The following DPY19L3 variants were observed in gnomAD, a reference collection of about 807,000 sequenced individuals.
DPY19L3 encodes protein C-mannosyl-transferase DPY19L3.
Under a neutral mutation model 92.3 loss-of-function variants are expected in DPY19L3, and 51 were observed. That is an observed-to-expected ratio of 0.55 (90% CI 0.44 to 0.70). The LOEUF is 0.70. Among genes scored for constraint, DPY19L3 ranks in the 30% least tolerant of loss-of-function variants. The pLI, the probability that DPY19L3 is intolerant of heterozygous loss-of-function variation, is 0.00. For missense variants in DPY19L3, 706 were observed against 855.9 expected (o/e 0.82, Z 2.18); for synonymous variants, 309 against 315.2 (o/e 0.98, Z 0.21).
At chr19:32,427,573 A>G (rs896569186) in intron 3 of DPY19L3, among the ~76,000 whole-genome samples, 13 of 152,222 alleles carry the variant, frequency 8.5e-5, no homozygotes, top group African/African-American at 3.1e-4. Context: ...TCCACACAAT[A>G]GTAGTACGGT....
chr19:32,479,124 G>A (rs1599682498), intron 17 of DPY19L3, among the ~76,000 whole-genome samples: 2 of 152,128 alleles, frequency 1.3e-5, no homozygotes, highest in East Asian at 1.9e-4. Flanking sequence ...GTCTTGTTTT[G>A]AGGTGAGATT....
At chr19:32,411,212 T>G (rs199935521) in intron 2 of DPY19L3, 27 bp from the exon 3 acceptor site, 2 of 1,596,724 alleles carry the variant, frequency 1.3e-6, no homozygotes, top group East Asian at 2.2e-5. Context: ...CTGACTTAGT[T>G]ATTTATCTGT....
chr19:32,480,752 G>A (rs1308123178), intron 18 of DPY19L3, 195 bp downstream of exon 18: 4 of 716,224 alleles, frequency 5.6e-6, no homozygotes, highest in Non-Finnish European at 8.9e-6. Context: ...CTGGGCAAGG[G>A]AGAGGTGAGA....
intron 3 of DPY19L3, 92 bp downstream of exon 3, chr19:32,411,464 C>T: frequency 1.4e-6 from 2 of 1,400,428 alleles, no homozygotes; most frequent in Non-Finnish European, 2.0e-6. Flanking sequence ...CACAGTTTTG[C>T]CATAAAGAAT....
chr19:32,467,753 G>A, intron 15 of DPY19L3: 1 of 984,560 alleles, frequency 1.0e-6, no homozygotes, highest in Non-Finnish European at 1.2e-6. Context: ...TTTGACCTTA[G>A]AATGTATATA....
At chr19:32,440,296 A>G (rs1048605226) in intron 8 of DPY19L3, among the ~76,000 whole-genome samples, 1 of 152,224 alleles carries the variant, frequency 6.6e-6, no homozygotes, top group Non-Finnish European at 1.5e-5. Flanking sequence ...TAAAATTTTC[A>G]TAGTCACATT....
chr19:32,484,355 A>G lies in DPY19L3; in HGVS notation c.*2115A>G, dbSNP rs947564546. On this transcript the variant is annotated 3_prime_UTR_variant, in exon 19 of 19. Coordinates refer to ENST00000392250, the MANE Select transcript of DPY19L3 (RefSeq NM_001172774.2). ...CAGTATTCTCCAATGTGACCTTCTCATTGGAGTACACAGAAGGAAAGCAAA... is the reference window on the plus strand; with the variant it reads ...CAGTATTCTCCAATGTGACCTTCTCGTTGGAGTACACAGAAGGAAAGCAAA... The G allele has an allele frequency of 2.0e-5, 3 of 152,448 alleles. No homozygotes were observed. Among genetic ancestry groups the G allele is most frequent in the African/African-American group, 7.2e-5 (3 of 41,556 alleles). 9.4% of individuals were successfully genotyped at this position (152,448 alleles called of 1,614,324 possible). A position where few individuals can be genotyped will look rare whatever the true frequency, so the allele number is the denominator to read the frequency against.
At chr19:32,427,471 GTTATTC>G (rs1968805623) in intron 3 of DPY19L3, among the ~76,000 whole-genome samples, 2 of 152,198 alleles carry the variant, frequency 1.3e-5, no homozygotes, top group South Asian at 4.1e-4. Flanking sequence ...ATTTTCCACT[GTTATTC>G]TTATTTACTT....
intron 10 of DPY19L3, among the ~76,000 whole-genome samples, 183 bp from the exon 11 acceptor site, chr19:32,457,917 G>A (rs1969917152): frequency 1.3e-5 from 2 of 152,240 alleles, no homozygotes; most frequent in Non-Finnish European, 2.9e-5. Flanking sequence ...GGGTTTGGAA[G>A]GAGTTTGGAA....
At chr19:32,413,641 T>C (rs946703365) in intron 3 of DPY19L3, among the ~76,000 whole-genome samples, 5 of 136,310 alleles carry the variant, frequency 3.7e-5, no homozygotes, top group Non-Finnish European at 6.2e-5. Flanking sequence ...GATGTTCCCC[T>C]CAAAGAAGAA....
At position 32,472,464 on chromosome 19, in the gene DPY19L3, A is replaced by G. The variant is rs191188138; in HGVS notation, c.1697+3651A>G. Among the ~76,000 whole-genome samples the G allele has an allele frequency of 1.6e-3, 247 of 152,094 alleles. 1 individual carries two copies. The highest frequency in any genetic ancestry group is 4.2e-3 in the Admixed American group (64 of 15,292). On this transcript the variant is annotated intron_variant, in intron 16 of 18. Transcript: ENST00000392250. ...ATGCCTTGTTTTCAAGCAGAATTAA[A>G]TGCATATATTCATATTTACCCTTCT...
At chr19:32,436,637 A>T in intron 5 of DPY19L3, 70 bp downstream of exon 5, 6 of 1,275,400 alleles carry the variant, frequency 4.7e-6, no homozygotes, top group Non-Finnish European at 6.2e-6. Context: ...ACTGAAAGTT[A>T]TCACATCGTT....
intron 3 of DPY19L3, among the ~76,000 whole-genome samples, chr19:32,418,731 T>C (rs1379117973): frequency 6.6e-6 from 1 of 152,174 alleles, no homozygotes; most frequent in East Asian, 1.9e-4. Flanking sequence ...CTCATCAAAA[T>C]TGGTAGGTTA....
chr19:32,408,536 A>G (rs943380805), intron 2 of DPY19L3, among the ~76,000 whole-genome samples, 180 bp downstream of exon 2: 2 of 152,218 alleles, frequency 1.3e-5, no homozygotes, highest in African/African-American at 4.8e-5. Context: ...ACAAAAGATG[A>G]AAGAGCTTTG....
chr19:32,432,707 C>T lies in DPY19L3; in HGVS notation c.238-9C>T, dbSNP rs1395620577. 1.9e-6 allele frequency: 3 copies of T among 1,612,816 alleles called. No individual in the cohort carries two copies. The highest frequency in any genetic ancestry group is 2.5e-6 in the Non-Finnish European group (3 of 1,179,112). ...TCACATAAACCCATAGGATCTAACT[C>T]TGTTTTAGGAAGTGGAGCGAGAAAT... On this transcript the variant is annotated splice_polypyrimidine_tract_variant and intron_variant, in intron 3 of 18. Coordinates refer to ENST00000392250, the MANE Select transcript of DPY19L3 (RefSeq NM_001172774.2).
At chr19:32,450,997 T>A (rs1969682061) in intron 8 of DPY19L3, among the ~76,000 whole-genome samples, 1 of 152,244 alleles carries the variant, frequency 6.6e-6, no homozygotes, top group Non-Finnish European at 1.5e-5. Context: ...GCCGCTCTTC[T>A]AGTGTGTATT....
intron 3 of DPY19L3, among the ~76,000 whole-genome samples, chr19:32,425,557 A>G (rs893443905): frequency 1.3e-5 from 2 of 152,154 alleles, no homozygotes; most frequent in Admixed American, 6.5e-5. Flanking sequence ...TCTCAAAAAA[A>G]AAAAAGAAAA....
intron 3 of DPY19L3, among the ~76,000 whole-genome samples, chr19:32,417,556 T>A (rs1034967756): frequency 4.6e-5 from 7 of 152,172 alleles, no homozygotes; most frequent in African/African-American, 1.7e-4. Context: ...CCTGACCTTG[T>A]GATCTGCCCA....
intron 6 of DPY19L3, among the ~76,000 whole-genome samples, chr19:32,438,731 C>G (rs1969228714): frequency 6.6e-6 from 1 of 152,060 alleles, no homozygotes; most frequent in Non-Finnish European, 1.5e-5. Flanking sequence ...ATTTAAGACT[C>G]AAGTATAAAA....
Sources: allele counts gnomAD v4.1 joint callset (sites outside exome capture counted in the v4.1 genomes callset), GRCh38; gene constraint gnomAD v4.1.1; transcripts MANE v1.5; gene names NCBI Gene and HGNC (gene_info 2026-07-23, HGNC 2026-07-21).